Variants in USH2A observed in about 807,000 individuals in gnomAD.
The protein encoded by USH2A is Usher syndrome 2A (autosomal recessive, mild).
In USH2A, 443 loss-of-function variants were observed where a neutral mutation model predicts 538.9. That is an observed-to-expected ratio of 0.82 (90% CI 0.76 to 0.89). The LOEUF (loss-of-function observed/expected upper bound fraction) is 0.89, where lower values mean the gene tolerates loss of function less well. Ranked by LOEUF, USH2A falls within the 40% of genes least tolerant of loss-of-function variation. USH2A has a pLI of 0.00. For missense variants in USH2A, 6,633 were observed against 6,324.8 expected (o/e 1.05, Z -1.65); for synonymous variants, 2,413 against 2,273.5 (o/e 1.06, Z -1.75).
At chr1:216,281,865 G>GTTTTTTTTT (rs766030449) in intron 11 of USH2A, among the ~76,000 whole-genome samples, 30 of 96,452 alleles carry the variant, frequency 3.1e-4, no homozygotes, top group Non-Finnish European at 3.7e-4. Context: ...GTTTTTGTCT[G>GTTTTTTTTT]TTTTTTTTTT....
intron 61 of USH2A, among the ~76,000 whole-genome samples, chr1:215,710,124 C>T (rs1372066547): frequency 6.6e-6 from 1 of 152,178 alleles, no homozygotes; most frequent in African/African-American, 2.4e-5. Context: ...AAGTGATGTT[C>T]AGTTATCACA....
chr1:216,134,158 C>G (rs1053128487), intron 21 of USH2A, among the ~76,000 whole-genome samples: 5 of 151,912 alleles, frequency 3.3e-5, no homozygotes, highest in Admixed American at 6.6e-5. Context: ...AATTGCAATA[C>G]CTAAAATATA....
chr1:216,367,482 T>C (rs1216861738), intron 3 of USH2A, among the ~76,000 whole-genome samples: 1 of 152,200 alleles, frequency 6.6e-6, no homozygotes, highest in African/African-American at 2.4e-5. Context: ...AAGCATGTTT[T>C]TGATTTTCTG....
Position 216,197,584 on chromosome 1 carries a change from C to T in USH2A, c.4081+731G>A, listed in dbSNP as rs2034880338. Among the ~76,000 whole-genome samples, 4 of 152,158 alleles carry T rather than the reference C, an allele frequency of 2.6e-5. 1 individual carries two copies. In the South Asian group the frequency reaches 8.3e-4, roughly 32 times the overall value. ...CCTTGGACATCAACCTAAAGCTACC[C>T]TCATCCTCCATATTCCTAACAGGTC... On this transcript the variant is annotated intron_variant, in intron 18 of 71. Transcript: ENST00000307340.
chr1:216,229,631 T>G (rs1006456080), intron 14 of USH2A, among the ~76,000 whole-genome samples: 2 of 152,116 alleles, frequency 1.3e-5, no homozygotes, highest in African/African-American at 2.4e-5. Flanking sequence ...CTTTCTTTAT[T>G]GTAACTTCGG....
intron 21 of USH2A, among the ~76,000 whole-genome samples, chr1:216,117,078 G>A (rs1465520987): frequency 1.3e-5 from 2 of 152,062 alleles, no homozygotes; most frequent in African/African-American, 4.8e-5. Context: ...TCAGGAGTAG[G>A]GCAAGAAGTC....
chr1:216,149,197 G>A (rs1572001267), intron 21 of USH2A, among the ~76,000 whole-genome samples: 1 of 152,146 alleles, frequency 6.6e-6, no homozygotes, highest in Non-Finnish European at 1.5e-5. Flanking sequence ...GTGTGCAGCG[G>A]CTGCCGCTGC....
intron 9 of USH2A, among the ~76,000 whole-genome samples, chr1:216,302,312 GC>G (rs1407066315): frequency 2.6e-5 from 4 of 152,112 alleles, no homozygotes; most frequent in Non-Finnish European, 5.9e-5. Context: ...AATGTGACTA[GC>G]ATTTAATTGA....
chr1:215,858,203 A>G (rs1184927604), intron 44 of USH2A, among the ~76,000 whole-genome samples: 1 of 152,066 alleles, frequency 6.6e-6, no homozygotes, highest in African/African-American at 2.4e-5. Flanking sequence ...TAATCCTATT[A>G]TGTATGATGC....
intron 21 of USH2A, among the ~76,000 whole-genome samples, chr1:216,120,399 C>T (rs542744820): frequency 5.4e-4 from 81 of 151,250 alleles, no homozygotes; most frequent in African/African-American, 1.9e-3. Flanking sequence ...ATTTATTTAG[C>T]GATGGAGTCT....
intron 55 of USH2A, among the ~76,000 whole-genome samples, chr1:215,771,102 G>A (rs757490553): frequency 1.1e-4 from 16 of 151,250 alleles, no homozygotes; most frequent in Non-Finnish European, 2.1e-4. Flanking sequence ...GCTCCAGCCT[G>A]GGTGACATAG....
intron 19 of USH2A, among the ~76,000 whole-genome samples, chr1:216,191,955 T>C (rs756973834): frequency 6.6e-6 from 1 of 152,098 alleles, no homozygotes. Flanking sequence ...ATAAATTACA[T>C]TATTTTAAAA....
chr1:215,950,864 G>A (rs1666894936), intron 37 of USH2A, among the ~76,000 whole-genome samples: 1 of 152,006 alleles, frequency 6.6e-6, no homozygotes, highest in Admixed American at 6.6e-5. Flanking sequence ...TCCAATCTAA[G>A]CCTTTAGCTA....
chr1:215,774,159 C>T (rs1314481514), intron 55 of USH2A, among the ~76,000 whole-genome samples: 1 of 152,052 alleles, frequency 6.6e-6, no homozygotes, highest in Non-Finnish European at 1.5e-5. Context: ...AACATCAAAA[C>T]AAAGGGACTC....
intron 49 of USH2A, 57 bp downstream of exon 49, chr1:215,813,679 C>T (rs1397945539): frequency 4.4e-6 from 7 of 1,606,466 alleles, no homozygotes; most frequent in East Asian, 2.2e-5. Context: ...ACATGAACCA[C>T]GTGTTTATGT....
intron 4 of USH2A, 43 bp from the exon 5 acceptor site, chr1:216,327,697 A>G (rs1181971923): frequency 1.9e-6 from 3 of 1,602,228 alleles, no homozygotes; most frequent in Non-Finnish European, 2.6e-6. Flanking sequence ...GTCTCTGTTT[A>G]CCAAGCAATA....
At chr1:215,786,928 G>A in intron 51 of USH2A, 54 bp from the exon 52 acceptor site, 1 of 1,549,920 alleles carries the variant, frequency 6.5e-7, no homozygotes, top group Non-Finnish European at 8.9e-7. Flanking sequence ...ATTTCATTTA[G>A]ACATACATAG....
chr1:216,102,044 G>A (rs1361786883), intron 21 of USH2A, among the ~76,000 whole-genome samples: 1 of 152,050 alleles, frequency 6.6e-6, no homozygotes, highest in African/African-American at 2.4e-5. Flanking sequence ...AACATAAAGG[G>A]AAAAGTTGAT....
intron 44 of USH2A, among the ~76,000 whole-genome samples, chr1:215,847,130 A>T (rs964173593): frequency 1.3e-5 from 2 of 152,060 alleles, no homozygotes; most frequent in African/African-American, 4.8e-5. Flanking sequence ...CTCCCAATTT[A>T]TCCATTCTTT....
Sources: allele counts gnomAD v4.1 joint callset (sites outside exome capture counted in the v4.1 genomes callset), GRCh38; gene constraint gnomAD v4.1.1; transcripts MANE v1.5; gene names NCBI Gene and HGNC (gene_info 2026-07-23, HGNC 2026-07-21).